The following BCL2L14 variants were observed in gnomAD, a reference collection of about 807,000 sequenced individuals.
The protein encoded by BCL2L14 is apoptosis facilitator Bcl-2-like protein 14.
Under a neutral mutation model 35.3 loss-of-function variants are expected in BCL2L14, and 27 were observed. That is an observed-to-expected ratio of 0.76 (90% CI 0.56 to 1.05). BCL2L14 has a LOEUF of 1.05. BCL2L14 is among the 50% of genes least tolerant of loss of function. The pLI is 0.00. For missense variants in BCL2L14, 377 were observed against 382.6 expected, an observed-to-expected ratio of 0.99 and a Z score of 0.12; for synonymous variants, 139 against 145.9, an observed-to-expected ratio of 0.95 and a Z score of 0.34.
intron 5 of BCL2L14, 71 bp from the exon 6 acceptor site, chr12:12,098,879 T>C: frequency 9.0e-7 from 1 of 1,108,892 alleles, no homozygotes; most frequent in Non-Finnish European, 1.4e-6. Context: ...AGAGCAGAGT[T>C]AGCAGCCATA....
At chr12:12,050,793 T>TAA (rs3052084) in intron 1 of BCL2L14, among the ~76,000 whole-genome samples, 9,482 of 87,740 alleles carry the variant, frequency 0.11, 528 homozygotes, top group East Asian at 0.41. Flanking sequence ...GCTGATGAGC[T>TAA]AAAAAAAAAA....
At chr12:12,077,930 C>A in intron 1 of BCL2L14, 1 of 419,646 alleles carries the variant, frequency 2.4e-6, no homozygotes, top group Non-Finnish European at 4.8e-6. Flanking sequence ...AGATTATTAG[C>A]AAAAAGAACT....
chr12:12,074,232 C>G (rs1271448462), intron 1 of BCL2L14, among the ~76,000 whole-genome samples: 1 of 152,062 alleles, frequency 6.6e-6, no homozygotes, highest in Non-Finnish European at 1.5e-5. Flanking sequence ...TATAATCATT[C>G]ATTCAGTCAG....
intron 2 of BCL2L14, among the ~76,000 whole-genome samples, chr12:12,065,873 C>A (rs1012768248): frequency 6.6e-6 from 1 of 151,706 alleles, no homozygotes; most frequent in African/African-American, 2.4e-5. Flanking sequence ...CTCACTGCAA[C>A]CTCTGCCACC....
At chr12:12,083,818 C>T (rs574863822) in intron 2 of BCL2L14, among the ~76,000 whole-genome samples, 305 of 152,226 alleles carry the variant, frequency 2.0e-3, no homozygotes, top group Non-Finnish European at 3.7e-3. Flanking sequence ...CGCCATGGTG[C>T]GCGCCTGCAG....
Position 12,087,228 on chromosome 12 carries a change from T to C in BCL2L14, c.449T>C (p.Val150Ala). ...CLEHEAVDPK[V>A]ISIANRVAEI... ...CTTGTTTCAGCTGTGGACCCCAAAG[T>C]CATTTCCATTGCCAACCGAGTAGCT... The change falls in exon 3 of 6, where the codon GTC (valine) becomes GCC (alanine). Residue 150 changes from valine (V) to alanine (A), a missense_variant. Physicochemically the swap from Val to Ala is moderately conservative, Grantham distance 64. Coordinates refer to ENST00000308721, the MANE Select transcript of BCL2L14 (RefSeq NM_138723.2). 4 of 1,614,212 alleles carry C rather than the reference T, an allele frequency of 2.5e-6. No individual in the cohort carries two copies. Among genetic ancestry groups the C allele is most frequent in the Non-Finnish European group, 3.4e-6 (4 of 1,180,030 alleles).
In BCL2L14 at chr12:12,090,899, G is replaced by A. The variant is rs780010638; in HGVS notation, c.678+50G>A. 4.2e-6 allele frequency: 6 copies of A among 1,418,726 alleles called. No individual in the cohort carries two copies. In the East Asian group the frequency reaches 1.4e-4, roughly 34 times the overall value. 87.9% of individuals were successfully genotyped at this position (1,418,726 alleles called of 1,614,324 possible). A position where few individuals can be genotyped will look rare whatever the true frequency, so the allele number is the denominator to read the frequency against. ...GATTGATTTCTGTGCCCATGCACTA[G>A]TACACGAGAATGGAATTGTATTCCA... On this transcript the variant is annotated intron_variant, in intron 4 of 5. Coordinates refer to ENST00000308721, the MANE Select transcript of BCL2L14 (RefSeq NM_138723.2).
intron 3 of BCL2L14, 69 bp from the exon 4 acceptor site, chr12:12,090,710 T>C (rs928703675): frequency 7.9e-5 from 102 of 1,286,020 alleles, no homozygotes; most frequent in Non-Finnish European, 1.1e-4. Context: ...AAGCATTCAT[T>C]GTCCCTGGAA....
At chr12:12,092,578 G>A (rs1949212538) in intron 4 of BCL2L14, among the ~76,000 whole-genome samples, 1 of 152,228 alleles carries the variant, frequency 6.6e-6, no homozygotes, top group Admixed American at 6.5e-5. Context: ...AGAGGGACAG[G>A]CAGGGGAGGG....
intron 1 of BCL2L14, among the ~76,000 whole-genome samples, chr12:12,050,326 G>A (rs1379743991): frequency 3.3e-5 from 5 of 151,668 alleles, no homozygotes; most frequent in Admixed American, 2.6e-4. Context: ...CCAGCTACTC[G>A]GGAGGCTGAG....
intron 5 of BCL2L14, chr12:12,095,255 G>A: frequency 5.1e-6 from 5 of 985,366 alleles, no homozygotes; most frequent in Non-Finnish European, 6.0e-6. Context: ...AAATTTTGCA[G>A]GCAACGGAAG....
At chr12:12,058,309 G>A (rs1347728101) in intron 2 of BCL2L14, among the ~76,000 whole-genome samples, 1 of 151,612 alleles carries the variant, frequency 6.6e-6, no homozygotes, top group African/African-American at 2.4e-5. Context: ...AGAGTGCAGT[G>A]GCATGATGTC....
intron 4 of BCL2L14, among the ~76,000 whole-genome samples, chr12:12,093,357 G>A (rs1402759978): frequency 3.9e-5 from 6 of 152,224 alleles, no homozygotes; most frequent in Admixed American, 6.5e-5. Flanking sequence ...ATAGGGCCAA[G>A]CACAGTGGCT....
chr12:12,060,618 T>G lies in BCL2L14; in HGVS notation c.-272+8771T>G, dbSNP rs555431787. ...ACAAGAACTTCCAAAGGCCTAAACCTCAGCGTCCAGGCGTTCCTCCAGAAC... is the reference window on the plus strand; with the variant it reads ...ACAAGAACTTCCAAAGGCCTAAACCGCAGCGTCCAGGCGTTCCTCCAGAAC... On this transcript the variant is annotated intron_variant, in intron 2 of 3. Coordinates refer to the BCL2L14 transcript ENST00000461264. 0.025 allele frequency among the ~76,000 whole-genome samples: 818 copies of G among 32,940 alleles called. 102 individuals carry two copies. The East Asian group carries it at 0.58, about 23-fold the overall frequency. 21.6% of individuals were successfully genotyped at this position (32,940 alleles called of 152,430 possible). A position where few individuals can be genotyped will look rare whatever the true frequency, so the allele number is the denominator to read the frequency against.
At position 12,099,084 on chromosome 12, in the gene BCL2L14, G is replaced by C; in HGVS notation, c.*96G>C. ...ACAGGAGATTACAACGTACAAGGCAGATGGAGCATTGACGTTTTCAAAACC... is the reference window on the plus strand; with the variant it reads ...ACAGGAGATTACAACGTACAAGGCACATGGAGCATTGACGTTTTCAAAACC... On this transcript the variant is annotated 3_prime_UTR_variant, in exon 6 of 6. Coordinates refer to ENST00000308721, the MANE Select transcript of BCL2L14 (RefSeq NM_138723.2). 3 of 886,302 alleles carry C rather than the reference G, an allele frequency of 3.4e-6. No homozygotes were observed. The allele number at this position is 886,302 out of a possible 1,614,324, so 54.9% of individuals were successfully genotyped here.
At position 12,079,370 on chromosome 12, in the gene BCL2L14, T is replaced by C. The variant is rs61733245; in HGVS notation, c.65T>C (p.Ile22Thr). The C allele has an allele frequency of 2.5e-3, 4,025 of 1,614,154 alleles. 84 individuals carry two copies. The African/African-American group carries it at 0.047, about 19-fold the overall frequency. The stretch of plus-strand genomic sequence containing the variant: ...CTAGATGATGATGACCTAAACACCA[T>C]AGAATTCAAAATCCTCGCCTACTAC... ...IPLDDDDLNT[I>T]EFKILAYYTR... The change falls in exon 2 of 6, where the codon ATA (isoleucine) becomes ACA (threonine). Residue 22 changes from isoleucine to threonine, a missense_variant. Physicochemically the swap from Ile to Thr is moderately conservative, Grantham distance 89. Coordinates refer to ENST00000308721, the MANE Select transcript of BCL2L14 (RefSeq NM_138723.2).
At position 12,094,811 on chromosome 12, in the gene BCL2L14, A is replaced by C. The variant is rs1949278275; in HGVS notation, c.826A>C (p.Ile276Leu). 2 of 1,614,080 alleles carry C rather than the reference A, an allele frequency of 1.2e-6. No homozygotes were observed. Among genetic ancestry groups the C allele is most frequent in the African/African-American group, 1.3e-5 (1 of 74,918 alleles). Residue 276 changes from isoleucine to leucine, a missense_variant, in exon 5 of 6, where the codon ATA (isoleucine) becomes CTA (leucine). By Grantham distance (5) the Ile-to-Leu change is conservative. Transcript: ENST00000308721. Reference protein sequence around the residue: ...KAQGFKAALVIDVTAKLTAID... With the variant: ...KAQGFKAALVLDVTAKLTAID... The stretch of plus-strand genomic sequence containing the variant: ...TCAGGGCTTTAAGGCTGCCCTTGTA[A>C]TAGACGTCACGGCCAAGCTCACAGC...
chr12:12,082,848 GTTAC>G (rs1258658240), intron 2 of BCL2L14, among the ~76,000 whole-genome samples: 1 of 152,138 alleles, frequency 6.6e-6, no homozygotes, highest in African/African-American at 2.4e-5. Flanking sequence ...TTTTACTTGT[GTTAC>G]TTGTGTCGGT....
upstream of BCL2L14, among the ~76,000 whole-genome samples, chr12:12,067,066 TTA>T (rs1361787592): frequency 2.0e-5 from 3 of 151,556 alleles, no homozygotes; most frequent in Non-Finnish European, 4.4e-5. Flanking sequence ...GATTTGATTT[TTA>T]TTTTGATTTT....
Sources: allele counts gnomAD v4.1 joint callset (sites outside exome capture counted in the v4.1 genomes callset), GRCh38; gene constraint gnomAD v4.1.1; transcripts MANE v1.5; gene names NCBI Gene and HGNC (gene_info 2026-07-23, HGNC 2026-07-21).